The following FIRRM variants were observed in gnomAD, a reference collection of about 807,000 sequenced individuals.
FIRRM encodes the protein FIGNL1-interacting regulator of recombination and mitosis.
chr1:169,847,855 A>AT, the FIRRM span: 425 of 1,245,842 alleles, frequency 3.4e-4, no homozygotes, highest in Non-Finnish European at 4.3e-4. Flanking sequence ...TCTCTATAAG[A>AT]GTTAGTGATT....
the FIRRM span, among the ~76,000 whole-genome samples, chr1:169,825,192 G>A: frequency 6.6e-6 from 1 of 152,086 alleles, no homozygotes; most frequent in Non-Finnish European, 1.5e-5. Context: ...TTCTATCTTT[G>A]CCTCGCGCTA....
the FIRRM span, chr1:169,795,088 C>A: frequency 6.5e-7 from 1 of 1,532,570 alleles, no homozygotes; most frequent in South Asian, 1.2e-5. Flanking sequence ...TGAAGCTCTC[C>A]TGTTTGACGA....
At chr1:169,811,701 CTAAATAGATAATAGA>C in the FIRRM span, among the ~76,000 whole-genome samples, 2 of 147,570 alleles carry the variant, frequency 1.4e-5, no homozygotes, top group African/African-American at 5.1e-5. Flanking sequence ...GACAGATTAT[CTAAATAGATAATAGA>C]CAGATTATCT....
At chr1:169,823,468 C>G in the FIRRM span, 1 of 1,596,350 alleles carries the variant, frequency 6.3e-7, no homozygotes, top group Non-Finnish European at 8.6e-7. Flanking sequence ...TCTTCAGATA[C>G]ACAGGTAAGA....
chr1:169,804,359 C>G, the FIRRM span: 1 of 861,128 alleles, frequency 1.2e-6, no homozygotes, highest in Non-Finnish European at 1.6e-6. Context: ...TGATTTAAAT[C>G]TTACCAAATA....
the FIRRM span, among the ~76,000 whole-genome samples, chr1:169,833,664 C>T: frequency 3.3e-5 from 5 of 152,166 alleles, no homozygotes; most frequent in South Asian, 1.0e-3. Flanking sequence ...GAGTGGTTGG[C>T]CAGGAACCAG....
chr1:169,810,734 G>A, the FIRRM span, among the ~76,000 whole-genome samples: 1 of 148,006 alleles, frequency 6.8e-6, no homozygotes, highest in Admixed American at 6.8e-5. Flanking sequence ...CCCTAAAATC[G>A]ATATTTATTC....
chr1:169,808,891 G>A, the FIRRM span, among the ~76,000 whole-genome samples: 16 of 152,120 alleles, frequency 1.1e-4, no homozygotes, highest in Admixed American at 2.0e-4. Flanking sequence ...GAGCCACCGC[G>A]CCCAGCCTAT....
At chr1:169,840,731 C>T in the FIRRM span, among the ~76,000 whole-genome samples, 16 of 152,084 alleles carry the variant, frequency 1.1e-4, no homozygotes, top group East Asian at 2.9e-3. Context: ...AGGATGGCCT[C>T]GATCTCCTGA....
At chr1:169,792,906 G>A in the FIRRM span, 12 of 1,613,904 alleles carry the variant, frequency 7.4e-6, no homozygotes, top group African/African-American at 6.7e-5. Context: ...GAAAAAAATC[G>A]GCATTTATAT....
chr1:169,801,891 T>A, the FIRRM span, among the ~76,000 whole-genome samples: 1 of 152,234 alleles, frequency 6.6e-6, no homozygotes, highest in Non-Finnish European at 1.5e-5. Context: ...ATTCTCTATC[T>A]GAAATATTTC....
the FIRRM span, among the ~76,000 whole-genome samples, chr1:169,813,377 A>G: frequency 6.6e-6 from 1 of 152,210 alleles, no homozygotes; most frequent in Non-Finnish European, 1.5e-5. Context: ...CCCTCCCTGC[A>G]TATTATTGGC....
At chr1:169,843,851 T>A in the FIRRM span, 1 of 812,760 alleles carries the variant, frequency 1.2e-6, no homozygotes, top group South Asian at 1.5e-5. Context: ...TTTCTAGAAA[T>A]AGTTCCTTTA....
chr1:169,822,064 A>G, the FIRRM span, among the ~76,000 whole-genome samples: 1 of 152,212 alleles, frequency 6.6e-6, no homozygotes, highest in Non-Finnish European at 1.5e-5. Flanking sequence ...TTTCAGAAAG[A>G]CAAGCAGCAT....
At chr1:169,790,714 A>G in the FIRRM span, among the ~76,000 whole-genome samples, 1 of 152,198 alleles carries the variant, frequency 6.6e-6, no homozygotes, top group Non-Finnish European at 1.5e-5. Flanking sequence ...AAAATCATTG[A>G]AACCAATTAA....
At chr1:169,843,707 A>G in the FIRRM span, 18 of 1,613,228 alleles carry the variant, frequency 1.1e-5, no homozygotes, top group Non-Finnish European at 1.3e-5. Context: ...ACAGACATTC[A>G]GCCTTTTACT....
the FIRRM span, among the ~76,000 whole-genome samples, chr1:169,801,178 C>T: frequency 1.0e-2 from 1,517 of 152,186 alleles, 27 homozygotes; most frequent in African/African-American, 0.035. Flanking sequence ...CACGGTGGCT[C>T]ATGCCTGTAA....
chr1:169,802,236 A>G, the FIRRM span, among the ~76,000 whole-genome samples: 37 of 152,370 alleles, frequency 2.4e-4, no homozygotes, highest in African/African-American at 8.2e-4. Flanking sequence ...AATTCCTTCC[A>G]GAAAATACCC....
the FIRRM span, chr1:169,795,826 C>G: frequency 1.0e-6 from 1 of 955,414 alleles, no homozygotes; most frequent in Non-Finnish European, 1.2e-6. Context: ...TCCTCTCACC[C>G]AGGCTGGAGT....
Sources: allele counts gnomAD v4.1 joint callset (sites outside exome capture counted in the v4.1 genomes callset), GRCh38; gene constraint gnomAD v4.1.1; transcripts MANE v1.5; gene names NCBI Gene and HGNC (gene_info 2026-07-23, HGNC 2026-07-21).